The following SNTG1 variants were observed in gnomAD, a reference collection of about 807,000 sequenced individuals.
The protein encoded by SNTG1 is syntrophin gamma 1.
SNTG1 carries 39 observed loss-of-function variants against 74.7 expected under a neutral mutation model. The ratio of observed to expected loss-of-function variants is 0.52; its 90% CI spans 0.40 to 0.68. The LOEUF is 0.68. SNTG1 is among the 30% of genes least tolerant of loss of function. The pLI is 0.00. For missense variants in SNTG1, 685 were observed against 609.5 expected (o/e 1.12, Z -1.30); for synonymous variants, 254 against 217.1 (o/e 1.17, Z -1.49).
At chr8:50,608,092 C>G (rs1481696565) in intron 13 of SNTG1, among the ~76,000 whole-genome samples, 39 of 151,530 alleles carry the variant, frequency 2.6e-4, no homozygotes, top group Non-Finnish European at 4.4e-5. Flanking sequence ...GATTACAAAT[C>G]TTTCAATTTT....
At chr8:49,949,984 A>T (rs1184947568) in intron 1 of SNTG1, among the ~76,000 whole-genome samples, 1 of 152,166 alleles carries the variant, frequency 6.6e-6, no homozygotes, top group Non-Finnish European at 1.5e-5. Flanking sequence ...AAAATTAGCC[A>T]GGTGTAGTGG....
intron 1 of SNTG1, among the ~76,000 whole-genome samples, chr8:50,045,652 T>C (rs182779421): frequency 4.6e-5 from 7 of 152,302 alleles, no homozygotes; most frequent in African/African-American, 1.7e-4. Context: ...ATCAAAAATA[T>C]GTGTTGTTGT....
intron 1 of SNTG1, among the ~76,000 whole-genome samples, chr8:49,917,261 A>T (rs1806131317): frequency 6.6e-6 from 1 of 152,090 alleles, no homozygotes; most frequent in Non-Finnish European, 1.5e-5. Context: ...CTATTGGTAA[A>T]TCATTATTAT....
chr8:49,975,769 A>ATATG (rs1002254397), intron 1 of SNTG1, among the ~76,000 whole-genome samples: 4 of 146,970 alleles, frequency 2.7e-5, no homozygotes, highest in African/African-American at 1.0e-4. Flanking sequence ...ATATATATAT[A>ATATG]TGTGTGTGTG....
intron 15 of SNTG1, among the ~76,000 whole-genome samples, chr8:50,699,889 C>A (rs1585576307): frequency 1.3e-5 from 2 of 152,204 alleles, no homozygotes; most frequent in South Asian, 4.1e-4. Context: ...GTATTAGATA[C>A]TAAGCAAAGA....
At chr8:50,397,973 A>C (rs897267498) in intron 3 of SNTG1, among the ~76,000 whole-genome samples, 2 of 152,210 alleles carry the variant, frequency 1.3e-5, no homozygotes, top group African/African-American at 4.8e-5. Flanking sequence ...ACAACAAATA[A>C]ATGAAATATA....
chr8:50,486,437 T>C (rs1035933995), intron 8 of SNTG1, among the ~76,000 whole-genome samples: 2 of 128,116 alleles, frequency 1.6e-5, no homozygotes, highest in African/African-American at 5.9e-5. Context: ...CACTCATGAT[T>C]TGGCTCTCTG....
intron 1 of SNTG1, among the ~76,000 whole-genome samples, chr8:50,140,402 T>G (rs1366379907): frequency 6.6e-6 from 1 of 152,114 alleles, no homozygotes; most frequent in Admixed American, 6.6e-5. Context: ...CTTGAACATG[T>G]GTGTGTCTGA....
rs929156060 is a variant in SNTG1 at position 50,033,651 on chromosome 8, AT to A, written c.-103+121428del. ...TGCTTTCTCCCTGTATTCTCATGTG[AT>A]TTTTTTTCTCTGTGAATGTAGCTCC... is the stretch of plus-strand genomic sequence containing the variant. On this transcript the variant is annotated intron_variant, in intron 1 of 18. Transcript: ENST00000642720. 8.5e-4 allele frequency among the ~76,000 whole-genome samples: 128 copies of A among 151,216 alleles called. 1 individual carries two copies. The highest frequency in any genetic ancestry group is 1.5e-3 in the Non-Finnish European group (101 of 67,804).
At chr8:50,074,678 A>G (rs1821671255) in intron 1 of SNTG1, among the ~76,000 whole-genome samples, 1 of 152,234 alleles carries the variant, frequency 6.6e-6, no homozygotes, top group Admixed American at 6.5e-5. Flanking sequence ...TGCTAGAATT[A>G]CCAAAATACT....
chr8:50,698,589 A>C (rs1361893100), intron 15 of SNTG1, among the ~76,000 whole-genome samples: 1 of 152,118 alleles, frequency 6.6e-6, no homozygotes, highest in Non-Finnish European at 1.5e-5. Context: ...TCCCTGCTTG[A>C]GCACCAGATC....
Position 50,645,319 on chromosome 8 carries a change from A to G in SNTG1, c.850-11590A>G, listed in dbSNP as rs186626334. Reference sequence around the variant, plus strand: ...TTTAGTTTTTCTATTTTTTATTTGTAGGTATCCATTTTATTATTTTGTAAT... The same window carrying G: ...TTTAGTTTTTCTATTTTTTATTTGTGGGTATCCATTTTATTATTTTGTAAT... On this transcript the variant is annotated intron_variant, in intron 13 of 18. Transcript: ENST00000642720. Among the ~76,000 whole-genome samples, 323 of 151,142 alleles carry G rather than the reference A, an allele frequency of 2.1e-3. 2 individuals are homozygous for G. The highest frequency in any genetic ancestry group is 7.5e-3 in the African/African-American group (306 of 40,990).
chr8:50,301,862 G>GT (rs549672864), intron 2 of SNTG1, among the ~76,000 whole-genome samples: 3,778 of 105,074 alleles, frequency 0.036, 158 homozygotes, highest in African/African-American at 0.092. Context: ...TTTGTTTTTT[G>GT]TTTTTTTTTT....
chr8:50,398,843 T>C (rs1293970844), intron 3 of SNTG1, among the ~76,000 whole-genome samples: 1 of 152,088 alleles, frequency 6.6e-6, no homozygotes, highest in African/African-American at 2.4e-5. Context: ...GGCAGGAGAA[T>C]CGCTCGAACC....
chr8:50,318,965 A>G (rs1263545655), intron 2 of SNTG1, among the ~76,000 whole-genome samples: 3 of 151,746 alleles, frequency 2.0e-5, no homozygotes, highest in Non-Finnish European at 4.4e-5. Flanking sequence ...CTACGTATGT[A>G]TATTTATATA....
chr8:50,712,723 C>T (rs769427625), intron 17 of SNTG1, among the ~76,000 whole-genome samples: 103 of 151,234 alleles, frequency 6.8e-4, no homozygotes, highest in Non-Finnish European at 1.3e-3. Flanking sequence ...TCTCATTGTT[C>T]AACTCCCACT....
chr8:50,045,345 G>A (rs1477993649), intron 1 of SNTG1, among the ~76,000 whole-genome samples: 3 of 152,176 alleles, frequency 2.0e-5, no homozygotes, highest in African/African-American at 7.2e-5. Context: ...TAGAGCATGA[G>A]CAGGCACATC....
chr8:50,702,210 G>A (rs1054411883), intron 15 of SNTG1, among the ~76,000 whole-genome samples: 1 of 151,812 alleles, frequency 6.6e-6, no homozygotes, highest in African/African-American at 2.4e-5. Context: ...TACTTGTGTA[G>A]TTATTATCTC....
chr8:50,333,467 A>G (rs1234576705), intron 2 of SNTG1, among the ~76,000 whole-genome samples: 1 of 152,220 alleles, frequency 6.6e-6, no homozygotes, highest in African/African-American at 2.4e-5. Flanking sequence ...TCCTAGCTGA[A>G]TAACTGGTAC....
Sources: allele counts gnomAD v4.1 joint callset (sites outside exome capture counted in the v4.1 genomes callset), GRCh38; gene constraint gnomAD v4.1.1; transcripts MANE v1.5; gene names NCBI Gene and HGNC (gene_info 2026-07-23, HGNC 2026-07-21).